The following WDR54 variants were observed in gnomAD, a reference collection of about 807,000 sequenced individuals.
WDR54 encodes WD repeat-containing protein 54.
In WDR54, 44 loss-of-function variants were observed where a neutral mutation model predicts 44.1. The observed-to-expected ratio is 1.00, with a 90% confidence interval of 0.78 to 1.28. The LOEUF (loss-of-function observed/expected upper bound fraction) is 1.28, where lower values mean the gene tolerates loss of function less well. Ranked by LOEUF, WDR54 falls within the 50% of genes most tolerant of loss-of-function variation. WDR54 has a pLI of 0.00. For missense variants in WDR54, 409 were observed against 429.7 expected (o/e 0.95, Z 0.43); for synonymous variants, 169 against 169.8 (o/e 1.00, Z 0.04).
In WDR54 at chr2:74,424,928, G is replaced by A. The variant is rs1558534735; in HGVS notation, c.588G>A (p.Trp196Ter). Residue 196 changes from tryptophan to a stop codon, truncating the protein, a stop_gained, in exon 7 of 10, where the codon TGG becomes TGA. Transcript: ENST00000348227. LOFTEE classifies it high-confidence loss of function. ...TADDSGLLCVWRSGPEFTLLT... is the reference protein window; with the variant it reads ...TADDSGLLCV ...ATGACTCAGGCTTGCTGTGTGTCTGGCGGTCAGGGCCAGAATTCACATTAT... is the reference window on the plus strand; with the variant it reads ...ATGACTCAGGCTTGCTGTGTGTCTGACGGTCAGGGCCAGAATTCACATTAT... 6.2e-7 allele frequency: 1 copy of A among 1,614,206 alleles called. No individual in the cohort carries two copies. Among genetic ancestry groups the A allele is most frequent in the Middle Eastern group, 1.6e-4 (1 of 6,062 alleles).
Position 74,422,169 on chromosome 2 carries a change from C to G in WDR54, c.16C>G (p.Arg6Gly), listed in dbSNP as rs201341673. MFRWE[R>G]SIPLRGSAAA... ...CCCACACAGGATGTTCCGCTGGGAG[C>G]GCTCCATTCCCCTGCGAGGCTCGGC... The change falls in exon 2 of 10, where the codon CGC (arginine) becomes GGC (glycine). Residue 6 changes from arginine to glycine, a missense_variant. Arg to Gly is a moderately radical substitution (Grantham distance 125). Coordinates refer to ENST00000348227, the MANE Select transcript of WDR54 (RefSeq NM_032118.4). 4 of 1,612,906 alleles carry G rather than the reference C, an allele frequency of 2.5e-6. No individual in the cohort carries two copies. The highest frequency in any genetic ancestry group is 2.2e-5 in the South Asian group (2 of 91,020).
intron 2 of WDR54, 55 bp from the exon 3 acceptor site, chr2:74,422,815 C>G: frequency 8.7e-7 from 1 of 1,143,868 alleles, no homozygotes; most frequent in South Asian, 1.4e-5. Context: ...AAAAAACAAA[C>G]AAACTCATCT....
In WDR54 at chr2:74,422,371, C is replaced by G. The variant is rs984103525; in HGVS notation, c.218C>G (p.Thr73Ser). The G allele has an allele frequency of 1.2e-6, 2 of 1,611,826 alleles. No individual in the cohort carries two copies. The highest frequency in any genetic ancestry group is 2.7e-5 in the African/African-American group (2 of 74,902). ...EGAGVSPPLI[T>S]QVHWCVLPFR... ...GCTGGAGTGAGTCCCCCACTTATCA[C>G]TCAGGTGAGGCATGGAGCTGGGAGT... Residue 73 changes from threonine (T) to serine (S), a missense_variant, in exon 2 of 10, where the codon ACT becomes AGT. Physicochemically the swap from Thr to Ser is moderately conservative, Grantham distance 58. Transcript: ENST00000348227.
At chr2:74,421,924 G>A (rs1350859303) in intron 1 of WDR54, 108 bp downstream of exon 1, 4 of 619,312 alleles carry the variant, frequency 6.5e-6, no homozygotes, top group Non-Finnish European at 8.8e-6. Flanking sequence ...CCATCGGGTG[G>A]TCCTGTGTCA....
At chr2:74,424,067 A>G (rs1344300040) in intron 6 of WDR54, 85 bp downstream of exon 6, 5 of 1,553,862 alleles carry the variant, frequency 3.2e-6, no homozygotes, top group Non-Finnish European at 2.6e-6. Flanking sequence ...CTCTGCCACT[A>G]AACAGGTGGA....
rs751445506 is a variant in WDR54, at chr2:74,422,186, A to C, written c.33A>C (p.Arg11=). Residue 11 remains arginine (R), a synonymous_variant, in exon 2 of 10, where the codon CGA becomes CGC. Coordinates refer to ENST00000348227, the MANE Select transcript of WDR54 (RefSeq NM_032118.4). ...GCTGGGAGCGCTCCATTCCCCTGCG[A>C]GGCTCGGCCGCCGCCCTGTGCAACA... MFRWERSIPL[R]GSAAALCNNL... The C allele has an allele frequency of 4.3e-6, 7 of 1,613,598 alleles. No homozygotes were observed. The highest frequency in any genetic ancestry group is 5.9e-6 in the Non-Finnish European group (7 of 1,180,024).
At position 74,425,609 on chromosome 2, in the gene WDR54, C is replaced by T; in HGVS notation, c.913C>T (p.Leu305=). The T allele has an allele frequency of 6.2e-7, 1 of 1,614,234 alleles. No homozygotes were observed. The highest frequency in any genetic ancestry group is 8.5e-7 in the Non-Finnish European group (1 of 1,180,034). Residue 305 remains leucine, a synonymous_variant, in exon 10 of 10, where the codon CTG becomes TTG. Coordinates refer to ENST00000348227, the MANE Select transcript of WDR54 (RefSeq NM_032118.4). ...CHGECVADTQ[L]CGARFCDSSG... ...TGGTGAGTGTGTCGCCGACACCCAG[C>T]TGTGTGGTGCTCGATTTTGTGATTC...
rs760765453 is a variant in WDR54 at position 74,423,937 on chromosome 2, C to T, written c.489C>T (p.His163=). 4.3e-6 allele frequency: 7 copies of T among 1,613,976 alleles called. No homozygotes were observed. The highest frequency in any genetic ancestry group is 4.0e-5 in the African/African-American group (3 of 74,878). The change falls in exon 6 of 10, where the codon CAC becomes CAT. Residue 163 remains histidine (H), a synonymous_variant. Coordinates refer to ENST00000348227, the MANE Select transcript of WDR54 (RefSeq NM_032118.4). ...TACTGAGCGAGGAGCTGGCTGGGCACCAGATGCCAATCACAGACATTGCCA... is the reference window on the plus strand; with the variant it reads ...TACTGAGCGAGGAGCTGGCTGGGCATCAGATGCCAATCACAGACATTGCCA... ...NIVLSEELAG[H]QMPITDIATE... is the part of the protein sequence containing the mutation.
chr2:74,422,351 A>G lies in WDR54; in HGVS notation c.198A>G (p.Gly66=), dbSNP rs1670142104. ...QRQLHAKEGA[G]VSPPLITQVH... ...AGCTCCACGCTAAGGAGGGTGCTGG[A>G]GTGAGTCCCCCACTTATCACTCAGG... The change falls in exon 2 of 10, where the codon GGA becomes GGG. Residue 66 remains glycine (G), a synonymous_variant. Coordinates refer to ENST00000348227, the MANE Select transcript of WDR54 (RefSeq NM_032118.4). 1 of 1,613,740 alleles carries G rather than the reference A, an allele frequency of 6.2e-7. No individual in the cohort carries two copies.
Position 74,425,101 on chromosome 2 carries a change from G to A in WDR54, c.662G>A (p.Trp221Ter). 6 of 1,593,086 alleles carry A rather than the reference G, an allele frequency of 3.8e-6. No homozygotes were observed. Among genetic ancestry groups the A allele is most frequent in the Non-Finnish European group, 5.1e-6 (6 of 1,165,950 alleles). The change falls in exon 8 of 10, where the codon TGG becomes TAG. Residue 221 changes from tryptophan (W) to a stop codon, truncating the protein, a stop_gained. Coordinates refer to ENST00000348227, the MANE Select transcript of WDR54 (RefSeq NM_032118.4). LOFTEE classifies it high-confidence loss of function. ...FGVPCPSVQL[W>*]QGIIAAGYGN... ...GTTCCGTGCCCCTCTGTGCAGCTGT[G>A]GCAGGGGATCATAGCAGCAGGCTAT... is the stretch of plus-strand genomic sequence containing the variant.
rs1670122437 is a variant in WDR54 at position 74,422,142 on chromosome 2, C to T, written c.-1-11C>T. ...TAGCGCGCCTGGTGATTCGGCTGCA[C>T]CCCCACACAGGATGTTCCGCTGGGA... On this transcript the variant is annotated splice_polypyrimidine_tract_variant and intron_variant, in intron 1 of 9. Transcript: ENST00000348227. 1.2e-6 allele frequency: 2 copies of T among 1,610,772 alleles called. No homozygotes were observed. The highest frequency in any genetic ancestry group is 1.7e-6 in the Non-Finnish European group (2 of 1,178,758).
At chr2:74,422,841 T>C in intron 2 of WDR54, 29 bp from the exon 3 acceptor site, 1 of 1,599,862 alleles carries the variant, frequency 6.3e-7, no homozygotes, top group Non-Finnish European at 8.5e-7. Context: ...GCTTTGATTT[T>C]CTCCCTACAC....
chr2:74,422,514 G>A, intron 2 of WDR54, 139 bp downstream of exon 2: 1 of 1,093,212 alleles, frequency 9.1e-7, no homozygotes. Flanking sequence ...CCCCTCTCCT[G>A]CCGGGCGCGG....
rs1204850622 is a variant in WDR54, at chr2:74,422,285, T to C, written c.132T>C (p.Leu44=). 1 of 1,614,118 alleles carries C rather than the reference T, an allele frequency of 6.2e-7. No individual in the cohort carries two copies. Among genetic ancestry groups the C allele is most frequent in the African/African-American group, 1.3e-5 (1 of 74,948 alleles). ...FGVVHGPSAQ[L]LSAAPEGVPL... is the part of the protein sequence containing the mutation. Reference sequence around the variant, plus strand: ...TGGTTCATGGACCAAGCGCCCAGCTTCTCAGCGCTGCTCCTGAGGGTGTGC... The same window carrying C: ...TGGTTCATGGACCAAGCGCCCAGCTCCTCAGCGCTGCTCCTGAGGGTGTGC... The change falls in exon 2 of 10, where the codon CTT becomes CTC. Residue 44 remains leucine (L), a synonymous_variant. Transcript: ENST00000348227.
intron 2 of WDR54, chr2:74,422,642 A>C: frequency 3.3e-6 from 2 of 611,520 alleles, no homozygotes; most frequent in Non-Finnish European, 5.7e-6. Flanking sequence ...ATACAAAAAA[A>C]ATTAACCGGG....
At position 74,425,670 on chromosome 2, in the gene WDR54, T is replaced by C; in HGVS notation, c.974T>C (p.Leu325Pro). Residue 325 changes from leucine to proline, a missense_variant, in exon 10 of 10, where the codon CTT becomes CCT. Coordinates refer to ENST00000348227, the MANE Select transcript of WDR54 (RefSeq NM_032118.4). ...GNSFAVTGYD[L>P]AEIRRFSSV Reference sequence around the variant, plus strand: ...TCCTTTGCTGTGACTGGCTATGACCTTGCGGAGATCCGGAGATTCAGCAGT... The same window carrying C: ...TCCTTTGCTGTGACTGGCTATGACCCTGCGGAGATCCGGAGATTCAGCAGT... The C allele has an allele frequency of 6.2e-7, 1 of 1,614,226 alleles. No individual in the cohort carries two copies. The highest frequency in any genetic ancestry group is 8.5e-7 in the Non-Finnish European group (1 of 1,180,036).
chr2:74,422,963 CAG>C, intron 3 of WDR54, 31 bp downstream of exon 3: 5 of 1,611,286 alleles, frequency 3.1e-6, no homozygotes, highest in Non-Finnish European at 4.2e-6. Context: ...CTTGCCCCAC[CAG>C]AGCCTTCTCA....
chr2:74,422,827 C>A, intron 2 of WDR54, 43 bp from the exon 3 acceptor site: 2 of 1,470,352 alleles, frequency 1.4e-6, no homozygotes, highest in Non-Finnish European at 1.9e-6. Context: ...AACTCATCTT[C>A]CCTGCTTTGA....
chr2:74,424,854 T>C, intron 6 of WDR54, 21 bp from the exon 7 acceptor site: 2 of 1,613,676 alleles, frequency 1.2e-6, no homozygotes, highest in Non-Finnish European at 1.7e-6. Flanking sequence ...AGGGAAGGGT[T>C]GATCTTGCCT....
Sources: allele counts gnomAD v4.1 joint callset, GRCh38; gene constraint gnomAD v4.1.1; transcripts MANE v1.5; gene names NCBI Gene and HGNC (gene_info 2026-07-23, HGNC 2026-07-21).